The following EPHA3 variants were observed in gnomAD, a reference collection of about 807,000 sequenced individuals.
EPHA3 encodes the protein ephrin type-A receptor 3.
A neutral mutation model predicts 107.1 loss-of-function variants in EPHA3; 42 were observed. That is an observed-to-expected ratio of 0.39 (90% confidence interval 0.31 to 0.51). The LOEUF is 0.51. EPHA3 is among the 20% of genes least tolerant of loss of function. The pLI, the probability that EPHA3 is intolerant of heterozygous loss-of-function variation, is 0.78. For synonymous variants in EPHA3, 461 were observed against 424.8 expected (o/e 1.09, Z -1.05); for missense variants, 1,183 against 1,211.2 (o/e 0.98, Z 0.35).
intron 6 of EPHA3, among the ~76,000 whole-genome samples, chr3:89,397,580 C>CTTTT (rs35334618): frequency 3.1e-5 from 4 of 131,104 alleles, no homozygotes; most frequent in East Asian, 2.2e-4. Flanking sequence ...GCATCATTGC[C>CTTTT]TTTTTTTTTT....
At chr3:89,428,647 C>T (rs1481761900) in intron 11 of EPHA3, among the ~76,000 whole-genome samples, 4 of 151,974 alleles carry the variant, frequency 2.6e-5, no homozygotes, top group Non-Finnish European at 5.9e-5. Flanking sequence ...CCCCACTAAG[C>T]GGCACAAAAG....
chr3:89,293,218 A>G lies in EPHA3; in HGVS notation c.815-47698A>G, dbSNP rs537384768. On this transcript the variant is annotated intron_variant, in intron 3 of 16. Transcript: ENST00000336596. ...TATTTTTTTAAACTATGGAATTTTG[A>G]AAGTTCTTTGTATTTTCTAAACACA... is the stretch of plus-strand genomic sequence containing the variant. 2.6e-5 allele frequency among the ~76,000 whole-genome samples: 4 copies of G among 152,182 alleles called. No homozygotes were observed. In the East Asian group the frequency reaches 7.7e-4, roughly 29 times the overall value.
intron 3 of EPHA3, among the ~76,000 whole-genome samples, chr3:89,271,592 T>A (rs1277279187): frequency 6.6e-6 from 1 of 151,940 alleles, no homozygotes; most frequent in Non-Finnish European, 1.5e-5. Flanking sequence ...ACAAAACGTA[T>A]ACTGTTTTTA....
intron 6 of EPHA3, among the ~76,000 whole-genome samples, chr3:89,396,318 G>A (rs1708851339): frequency 6.6e-6 from 1 of 151,964 alleles, no homozygotes; most frequent in Non-Finnish European, 1.5e-5. Context: ...ATTGCCTCAA[G>A]CATCATTTCC....
At position 89,479,445 on chromosome 3, in the gene EPHA3, C is replaced by T. The variant is rs2107581543; in HGVS notation, c.2895C>T (p.Ile965=). ...GVTVVGPQKK[I]ISSIKALETQ... The stretch of plus-strand genomic sequence containing the variant: ...CCGTGGTTGGGCCACAGAAGAAGAT[C>T]ATCAGTAGCATTAAAGCTCTAGAAA... Residue 965 remains isoleucine (I), a synonymous_variant, in exon 17 of 17, where the codon ATC becomes ATT. Transcript: ENST00000336596. The T allele has an allele frequency of 1.2e-6, 2 of 1,614,146 alleles. No individual in the cohort carries two copies. The highest frequency in any genetic ancestry group is 1.3e-5 in the African/African-American group (1 of 75,034).
At chr3:89,218,535 A>G (rs1306715290) in intron 3 of EPHA3, among the ~76,000 whole-genome samples, 1 of 151,890 alleles carries the variant, frequency 6.6e-6, no homozygotes, top group Admixed American at 6.6e-5. Flanking sequence ...CCAGTCTATC[A>G]TTGTTGGACA....
At chr3:89,109,601 A>G (rs1707053559) in intron 1 of EPHA3, among the ~76,000 whole-genome samples, 2 of 152,012 alleles carry the variant, frequency 1.3e-5, no homozygotes, top group African/African-American at 4.8e-5. Context: ...AGAAAAAAAA[A>G]GACACCAAAC....
chr3:89,390,461 A>C (rs1463529214), intron 5 of EPHA3, among the ~76,000 whole-genome samples: 1 of 151,920 alleles, frequency 6.6e-6, no homozygotes, highest in Admixed American at 6.6e-5. Flanking sequence ...TTAGCTAGGC[A>C]TGGTGGCCTT....
chr3:89,252,215 T>C (rs1238415250), intron 3 of EPHA3, among the ~76,000 whole-genome samples: 2 of 152,180 alleles, frequency 1.3e-5, no homozygotes, highest in Admixed American at 1.3e-4. Flanking sequence ...CCAAAACCAA[T>C]GATAATTAAT....
chr3:89,130,478 C>T (rs1704182489), intron 2 of EPHA3, among the ~76,000 whole-genome samples: 1 of 152,084 alleles, frequency 6.6e-6, no homozygotes, highest in Non-Finnish European at 1.5e-5. Context: ...AAAAAATTAA[C>T]ATATTTGGAG....
intron 3 of EPHA3, among the ~76,000 whole-genome samples, chr3:89,312,758 C>A (rs1706793476): frequency 6.6e-6 from 1 of 151,862 alleles, no homozygotes; most frequent in Non-Finnish European, 1.5e-5. Flanking sequence ...CCAGAAGGCC[C>A]CAGTGTGTGT....
intron 2 of EPHA3, among the ~76,000 whole-genome samples, chr3:89,163,656 C>T (rs1252822856): frequency 4.6e-5 from 7 of 152,058 alleles, no homozygotes; most frequent in African/African-American, 1.7e-4. Context: ...CTTAACTACA[C>T]ACCTGGGAAA....
At chr3:89,333,019 T>C (rs528020579) in intron 3 of EPHA3, among the ~76,000 whole-genome samples, 1 of 152,176 alleles carries the variant, frequency 6.6e-6, no homozygotes, top group Non-Finnish European at 1.5e-5. Context: ...CTAAGTGCAT[T>C]TGTTTCCCTT....
At chr3:89,320,795 G>A (rs1707024607) in intron 3 of EPHA3, among the ~76,000 whole-genome samples, 1 of 151,964 alleles carries the variant, frequency 6.6e-6, no homozygotes, top group African/African-American at 2.4e-5. Context: ...TATTCAAAAT[G>A]TTACTATTCA....
At chr3:89,246,796 AT>A (rs1340070888) in intron 3 of EPHA3, among the ~76,000 whole-genome samples, 1 of 152,150 alleles carries the variant, frequency 6.6e-6, no homozygotes, top group Non-Finnish European at 1.5e-5. Context: ...CATTTACATT[AT>A]TTAAATCTTT....
chr3:89,297,658 A>T (rs889061290), intron 3 of EPHA3, among the ~76,000 whole-genome samples: 2 of 152,196 alleles, frequency 1.3e-5, no homozygotes, highest in African/African-American at 4.8e-5. Flanking sequence ...AGTGGTGCAG[A>T]TAGGCTTATT....
intron 11 of EPHA3, among the ~76,000 whole-genome samples, chr3:89,422,172 A>G (rs1709364049): frequency 6.7e-6 from 1 of 148,948 alleles, no homozygotes. Context: ...TCCTTACAAT[A>G]AAGTTGATAT....
intron 5 of EPHA3, among the ~76,000 whole-genome samples, chr3:89,345,629 T>A (rs565477221): frequency 2.0e-5 from 3 of 150,064 alleles, no homozygotes; most frequent in African/African-American, 7.3e-5. Context: ...CTTTTTTTTT[T>A]TTATACTTTA....
intron 3 of EPHA3, among the ~76,000 whole-genome samples, chr3:89,212,139 C>G (rs13098003): frequency 1.3e-5 from 2 of 151,292 alleles, no homozygotes; most frequent in Non-Finnish European, 2.9e-5. Flanking sequence ...TGTGTCATAC[C>G]GTTTACTAGG....
Sources: allele counts gnomAD v4.1 joint callset (sites outside exome capture counted in the v4.1 genomes callset), GRCh38; gene constraint gnomAD v4.1.1; transcripts MANE v1.5; gene names NCBI Gene and HGNC (gene_info 2026-07-23, HGNC 2026-07-21).